The following YME1L1 variants were observed in gnomAD, a reference collection of about 807,000 sequenced individuals.
YME1L1 encodes ATP-dependent zinc metalloprotease YME1L1.
Under a neutral mutation model 90.4 loss-of-function variants are expected in YME1L1, and 39 were observed. The ratio of observed to expected loss-of-function variants is 0.43; its 90% confidence interval spans 0.33 to 0.56. The LOEUF (loss-of-function observed/expected upper bound fraction) is 0.56. Ranked by LOEUF, YME1L1 falls within the 20% of genes least tolerant of loss-of-function variation. The probability of loss-of-function intolerance (pLI) is 0.03; values close to 1 mark genes in which losing one functional copy is unlikely to be tolerated. For synonymous variants in YME1L1, 284 were observed against 287.3 expected, an observed-to-expected ratio of 0.99 and a Z score of 0.12; for missense variants, 617 against 868.4, an observed-to-expected ratio of 0.71 and a Z score of 3.64.
intron 18 of YME1L1, among the ~76,000 whole-genome samples, chr10:27,113,825 T>TA (rs71523555): frequency 0.088 from 12,929 of 146,488 alleles, 753 homozygotes; most frequent in East Asian, 0.29. Context: ...CCCATCCCCT[T>TA]AAAAAAAAAA....
Position 27,120,154 on chromosome 10 carries a change from TA to T in YME1L1, c.1411+280del, listed in dbSNP as rs533571024. ...ATTATTTTGCATTTTACATTCATCTTAAAAAAATGTGTGTGTGTGTATGTAT... is the reference window on the plus strand; with the variant it reads ...ATTATTTTGCATTTTACATTCATCTTAAAAAATGTGTGTGTGTGTATGTAT... On this transcript the variant is annotated intron_variant, in intron 13 of 18. Coordinates refer to ENST00000376016, the MANE Select transcript of YME1L1 (RefSeq NM_014263.4). Among the ~76,000 whole-genome samples, 36 of 152,224 alleles carry T rather than the reference TA, an allele frequency of 2.4e-4. 1 individual carries two copies. The highest frequency in any genetic ancestry group is 1.4e-3 in the Admixed American group (22 of 15,290).
chr10:27,149,583 C>T (rs536923510), intron 1 of YME1L1, among the ~76,000 whole-genome samples: 8 of 151,514 alleles, frequency 5.3e-5, no homozygotes, highest in African/African-American at 1.2e-4. Context: ...TGATGGTGTG[C>T]GCCTGTAGTC....
At chr10:27,149,089 CA>C (rs764518960) in intron 1 of YME1L1, 49 bp from the exon 2 acceptor site, 2 of 1,474,924 alleles carry the variant, frequency 1.4e-6, no homozygotes, top group South Asian at 2.4e-5. Context: ...TTTAAATAAA[CA>C]GAACAATCTC....
chr10:27,145,427 C>A lies in YME1L1; in HGVS notation c.331+1G>T. On this transcript the variant is annotated splice_donor_variant, in intron 3 of 18. Transcript: ENST00000376016. LOFTEE classifies it high-confidence loss of function. ...TTGGAACAAAAAACACATTAACATA[C>A]CATATTTATTTTCAAAGAAGGATTG... is the stretch of plus-strand genomic sequence containing the variant. 1.3e-6 allele frequency: 2 copies of A among 1,595,214 alleles called. No individual in the cohort carries two copies. The highest frequency in any genetic ancestry group is 1.7e-6 in the Non-Finnish European group (2 of 1,168,540).
intron 1 of YME1L1, among the ~76,000 whole-genome samples, chr10:27,153,767 G>A (rs567332255): frequency 6.6e-6 from 1 of 152,270 alleles, no homozygotes; most frequent in East Asian, 1.9e-4. Flanking sequence ...TAAAGAGCAG[G>A]GGATAGGGGC....
rs2057003955 is a variant in YME1L1, at chr10:27,134,203, T to C, written c.692-81A>G. The C allele has an allele frequency of 1.5e-5, 16 of 1,077,576 alleles. No homozygotes were observed. The East Asian group carries it at 3.4e-4, about 23-fold the overall frequency. The allele number at this position is 1,077,576 out of a possible 1,614,324, so 66.8% of individuals were successfully genotyped here. ...CAATGAAATGCAAATATTAGGTTATTGTTAATAATCATATTTCATCACATC... is the reference window on the plus strand; with the variant it reads ...CAATGAAATGCAAATATTAGGTTATCGTTAATAATCATATTTCATCACATC... On this transcript the variant is annotated intron_variant, in intron 6 of 18. Coordinates refer to ENST00000376016, the MANE Select transcript of YME1L1 (RefSeq NM_014263.4).
intron 17 of YME1L1, among the ~76,000 whole-genome samples, chr10:27,114,983 C>A (rs754071869): frequency 6.6e-6 from 1 of 152,042 alleles, no homozygotes; most frequent in Non-Finnish European, 1.5e-5. Context: ...GCTGACATTG[C>A]GCCACTGCAC....
Position 27,116,152 on chromosome 10 carries a change from A to AT in YME1L1, c.1847-20dup. The AT allele has an allele frequency of 6.2e-7, 1 of 1,613,592 alleles. No individual in the cohort carries two copies. The highest frequency in any genetic ancestry group is 1.3e-5 in the African/African-American group (1 of 74,992). On this transcript the variant is annotated intron_variant, in intron 16 of 18. Coordinates refer to ENST00000376016, the MANE Select transcript of YME1L1 (RefSeq NM_014263.4). ...GAAGCACCTAAAATAAAATAAAAAC[A>AT]TACCATTTTAAAACATATCTTTAAG...
intron 18 of YME1L1, among the ~76,000 whole-genome samples, chr10:27,113,241 A>T (rs1241860936): frequency 1.2e-4 from 17 of 145,368 alleles, no homozygotes; most frequent in African/African-American, 2.3e-4. Flanking sequence ...AAAAAAAAAA[A>T]AAAAAAAAAA....
chr10:27,122,717 A>T, intron 11 of YME1L1, 124 bp downstream of exon 11: 1 of 1,336,954 alleles, frequency 7.5e-7, no homozygotes, highest in Non-Finnish European at 1.0e-6. Flanking sequence ...TCCTATACAC[A>T]TCACATTTTT....
At chr10:27,134,179 A>C in intron 6 of YME1L1, 57 bp from the exon 7 acceptor site, 33 of 1,257,678 alleles carry the variant, frequency 2.6e-5, no homozygotes, top group Non-Finnish European at 3.5e-5. Context: ...ATGACAGCTC[A>C]ATGAAATGCA....
chr10:27,116,143 A>G lies in YME1L1; in HGVS notation c.1847-10T>C. The G allele has an allele frequency of 6.2e-7, 1 of 1,613,726 alleles. No individual in the cohort carries two copies. The highest frequency in any genetic ancestry group is 8.5e-7 in the Non-Finnish European group (1 of 1,179,870). On this transcript the variant is annotated splice_polypyrimidine_tract_variant and intron_variant, in intron 16 of 18. Transcript: ENST00000376016. ...AAATCACTGGAAGCACCTAAAATAA[A>G]ATAAAAACATACCATTTTAAAACAT...
chr10:27,147,304 G>C, intron 2 of YME1L1: 1 of 914,926 alleles, frequency 1.1e-6, no homozygotes, highest in Non-Finnish European at 1.6e-6. Context: ...GATCAGCCTG[G>C]TGAAGAAAGC....
chr10:27,126,667 C>A, intron 9 of YME1L1, 29 bp downstream of exon 9: 1 of 1,238,648 alleles, frequency 8.1e-7, no homozygotes, highest in South Asian at 1.5e-5. Context: ...TTTTTTCCAT[C>A]AAATCATGAT....
chr10:27,121,313 T>C, intron 12 of YME1L1, 73 bp downstream of exon 12: 1 of 1,047,070 alleles, frequency 9.6e-7, no homozygotes, highest in Non-Finnish European at 1.5e-6. Context: ...TGTGATCTTT[T>C]GCAACGGACT....
chr10:27,112,669 T>C (rs2056770009), intron 18 of YME1L1, among the ~76,000 whole-genome samples: 1 of 152,168 alleles, frequency 6.6e-6, no homozygotes, highest in African/African-American at 2.4e-5. Context: ...ACATAGTCCT[T>C]ACTCACTAAA....
rs1466534131 is a variant in YME1L1, at chr10:27,119,431, A to G, written c.1430T>C (p.Ile477Thr). 6.2e-7 allele frequency: 1 copy of G among 1,609,740 alleles called. No homozygotes were observed. Among genetic ancestry groups the G allele is most frequent in the East Asian group, 2.2e-5 (1 of 44,770 alleles). Residue 477 changes from isoleucine to threonine, a missense_variant, in exon 14 of 19, where the codon ATA (isoleucine) becomes ACA (threonine). Ile to Thr is a moderately conservative substitution (Grantham distance 89). Coordinates refer to ENST00000376016, the MANE Select transcript of YME1L1 (RefSeq NM_014263.4). ...KFDQSVDPEI[I>T]ARGTVGFSGA... ...GGAAAAGCCAACAGTACCTCGAGCT[A>G]TAATTTCTGGATCAACGGCTAATGT...
chr10:27,118,815 T>C (rs1405795660), intron 14 of YME1L1, among the ~76,000 whole-genome samples: 3 of 152,220 alleles, frequency 2.0e-5, no homozygotes, highest in East Asian at 3.8e-4. Context: ...AGTATCCTTT[T>C]TCGCAGCAAT....
chr10:27,151,071 G>A (rs1004862486), intron 1 of YME1L1, among the ~76,000 whole-genome samples: 1 of 151,954 alleles, frequency 6.6e-6, no homozygotes. Flanking sequence ...GACTACAGGC[G>A]CAGGCCACCA....
Sources: gnomAD v4.1 joint callset for allele counts (sites outside exome capture counted in the v4.1 genomes callset) on GRCh38, gnomAD v4.1.1 for gene constraint, MANE v1.5 for transcripts, NCBI Gene and HGNC (gene_info 2026-07-23, HGNC 2026-07-21) for gene names.